Variants in PANK1 observed in about 807,000 individuals in gnomAD.
PANK1 encodes the protein pantothenate kinase 1.
Under a neutral mutation model 40.1 loss-of-function variants are expected in PANK1, and 18 were observed. The ratio of observed to expected loss-of-function variants is 0.45; its 90% CI spans 0.31 to 0.67. The LOEUF (loss-of-function observed/expected upper bound fraction) is 0.67, where lower values mean the gene tolerates loss of function less well. Ranked by LOEUF, PANK1 falls within the 30% of genes least tolerant of loss-of-function variation. The pLI is 0.06. For synonymous variants in PANK1, 242 were observed against 237.7 expected, an observed-to-expected ratio of 1.02 and a Z score of -0.17; for missense variants, 457 against 599.6, an observed-to-expected ratio of 0.76 and a Z score of 2.48.
At chr10:89,643,674 T>G (rs1842028214) in intron 1 of PANK1, 1 of 1,556,442 alleles carries the variant, frequency 6.4e-7, no homozygotes, top group African/African-American at 1.4e-5. Flanking sequence ...ATGCAGTCAT[T>G]TATTAGCATT....
At chr10:89,602,838 G>A (rs796432103) in intron 2 of PANK1, among the ~76,000 whole-genome samples, 12 of 152,182 alleles carry the variant, frequency 7.9e-5, no homozygotes, top group African/African-American at 2.9e-4. Flanking sequence ...GTGATGTTGA[G>A]GGCCCAGTGT....
intron 2 of PANK1, 124 bp downstream of exon 2, chr10:89,611,572 A>G (rs41297163): frequency 0.088 from 59,505 of 672,998 alleles, 2,987 homozygotes; most frequent in Admixed American, 0.11. Context: ...AAACTGAGGC[A>G]CAGAGCGGTG....
chr10:89,626,933 G>C (rs1845677217), intron 1 of PANK1, among the ~76,000 whole-genome samples: 1 of 152,124 alleles, frequency 6.6e-6, no homozygotes, highest in Non-Finnish European at 1.5e-5. Flanking sequence ...TTTAATACCA[G>C]AGCATGGTTA....
intron 3 of PANK1, 89 bp from the exon 4 acceptor site, chr10:89,594,078 G>A (rs1292095202): frequency 1.0e-5 from 9 of 884,876 alleles, no homozygotes; most frequent in South Asian, 7.8e-5. Context: ...TAATATGGGT[G>A]AATAAAAGCA....
chr10:89,631,443 A>C (rs1176890778), intron 1 of PANK1, among the ~76,000 whole-genome samples: 2 of 152,228 alleles, frequency 1.3e-5, no homozygotes, highest in Non-Finnish European at 2.9e-5. Context: ...CCCTTGGTTC[A>C]ATCCTGAATC....
Position 89,624,614 on chromosome 10 carries a change from T to G in PANK1, c.293-12566A>C, listed in dbSNP as rs146619090. On this transcript the variant is annotated intron_variant, in intron 1 of 6. Transcript: ENST00000307534. ...CCATAAAGCAACTTAAATTTTACTA[T>G]TTAGTGCAACTAAATTTTAAAGTCA... Among the ~76,000 whole-genome samples, 67 of 152,364 alleles carry G rather than the reference T, an allele frequency of 4.4e-4. 1 individual carries two copies. The East Asian group carries it at 0.013, about 28-fold the overall frequency.
chr10:89,599,846 TC>T (rs1454782349), intron 2 of PANK1, among the ~76,000 whole-genome samples: 2 of 152,144 alleles, frequency 1.3e-5, no homozygotes, highest in African/African-American at 2.4e-5. Flanking sequence ...GGAAAAAGGG[TC>T]TTTGCAGATC....
rs373336135 is a variant in PANK1, at chr10:89,592,716, G to C, written c.1200+481C>G. ...CAGCTCCACCCCTTTTTGTGCCTGGGACTCTGGCTGGCCTTGGCTGTAGCA... is the reference window on the plus strand; with the variant it reads ...CAGCTCCACCCCTTTTTGTGCCTGGCACTCTGGCTGGCCTTGGCTGTAGCA... On this transcript the variant is annotated intron_variant, in intron 5 of 6. Coordinates refer to ENST00000307534, the MANE Select transcript of PANK1 (RefSeq NM_148977.3). 1.1e-5 allele frequency: 6 copies of C among 534,240 alleles called. No homozygotes were observed. The Admixed American group carries it at 1.2e-4, about 10-fold the overall frequency. 33.1% of individuals were successfully genotyped at this position (534,240 alleles called of 1,614,324 possible).
Position 89,583,816 on chromosome 10 carries a change from AG to A in PANK1, c.*589del, listed in dbSNP as rs1308556508. On this transcript the variant is annotated 3_prime_UTR_variant, in exon 7 of 7. Coordinates refer to ENST00000307534, the MANE Select transcript of PANK1 (RefSeq NM_148977.3). ...TCAAAGAAAGGTTACAGGTAGGGGG[AG>A]GGACATCATCTGAGGACAGAAACAG... 1 of 152,316 alleles carries A rather than the reference AG, an allele frequency of 6.6e-6. No individual in the cohort carries two copies. Among genetic ancestry groups the A allele is most frequent in the Non-Finnish European group, 1.5e-5 (1 of 68,098 alleles). The allele number at this position is 152,316 out of a possible 1,614,324, so 9.4% of individuals were successfully genotyped here. A position where few individuals can be genotyped will look rare whatever the true frequency, so the allele number is the denominator to read the frequency against.
intron 1 of PANK1, among the ~76,000 whole-genome samples, chr10:89,615,313 G>A (rs1845285629): frequency 1.3e-5 from 2 of 152,202 alleles, no homozygotes; most frequent in African/African-American, 4.8e-5. Flanking sequence ...GGAAGAGCCT[G>A]CACATAACCT....
chr10:89,633,006 T>C (rs974042345), intron 1 of PANK1, among the ~76,000 whole-genome samples: 1 of 152,196 alleles, frequency 6.6e-6, no homozygotes, highest in African/African-American at 2.4e-5. Context: ...GTATTACTGA[T>C]ACCTGCTGGG....
intron 2 of PANK1, among the ~76,000 whole-genome samples, chr10:89,610,731 G>C (rs1056819007): frequency 2.6e-5 from 4 of 152,184 alleles, no homozygotes; most frequent in African/African-American, 9.7e-5. Flanking sequence ...TACAGGCTTT[G>C]AGAATACGTA....
rs974406030 is a variant in PANK1, at chr10:89,584,044, A to G, written c.*362T>C. On this transcript the variant is annotated 3_prime_UTR_variant, in exon 7 of 7. Coordinates refer to ENST00000307534, the MANE Select transcript of PANK1 (RefSeq NM_148977.3). Reference sequence around the variant, plus strand: ...GTAATTACTAAATGAAGTTAAAATCACCACACTGATCAGTAAACCCCAGAA... The same window carrying G: ...GTAATTACTAAATGAAGTTAAAATCGCCACACTGATCAGTAAACCCCAGAA... 2 of 185,142 alleles carry G rather than the reference A, an allele frequency of 1.1e-5. No individual in the cohort carries two copies. Among genetic ancestry groups the G allele is most frequent in the Non-Finnish European group, 2.2e-5 (2 of 89,494 alleles). The allele number at this position is 185,142 out of a possible 1,614,324, so 11.5% of individuals were successfully genotyped here. A position where few individuals can be genotyped will look rare whatever the true frequency, so the allele number is the denominator to read the frequency against.
chr10:89,625,018 T>C (rs1402960735), intron 1 of PANK1, among the ~76,000 whole-genome samples: 4 of 152,162 alleles, frequency 2.6e-5, no homozygotes, highest in Admixed American at 2.0e-4. Flanking sequence ...CCCACCTCAG[T>C]ATCCTGAGTA....
At chr10:89,600,619 T>C (rs1844748860) in intron 2 of PANK1, among the ~76,000 whole-genome samples, 1 of 152,196 alleles carries the variant, frequency 6.6e-6, no homozygotes, top group African/African-American at 2.4e-5. Context: ...TGCCCTATTA[T>C]GTTCCTGTGA....
chr10:89,588,938 C>T (rs1159684474), intron 5 of PANK1, among the ~76,000 whole-genome samples, 161 bp from the exon 6 acceptor site: 2 of 152,134 alleles, frequency 1.3e-5, no homozygotes, highest in Non-Finnish European at 2.9e-5. Flanking sequence ...GTTAAACCAA[C>T]CTTATAGTGC....
rs1468750959 is a variant in PANK1 at position 89,599,242 on chromosome 10, A to T, written c.899+10T>A. ...GGTCTGGGTTCAAGCACAAGCAGAA[A>T]CATGTTTACCTGGTCCCTGTAACTC... is the stretch of plus-strand genomic sequence containing the variant. On this transcript the variant is annotated intron_variant, in intron 3 of 6. Transcript: ENST00000307534. 6.2e-7 allele frequency: 1 copy of T among 1,609,190 alleles called. No homozygotes were observed. Among genetic ancestry groups the T allele is most frequent in the South Asian group, 1.1e-5 (1 of 90,416 alleles).
At position 89,639,871 on chromosome 10, in the gene PANK1, A is replaced by G. The variant is rs534493817; in HGVS notation, c.292+4729T>C. 1.7e-4 allele frequency among the ~76,000 whole-genome samples: 26 copies of G among 152,324 alleles called. No individual in the cohort carries two copies. The Middle Eastern group carries it at 0.014, about 80-fold the overall frequency. ...CCTAGCACATAGTAAGTGCTCCTCA[A>G]TGTTGGCCACTGTTACCTCCACAGA... On this transcript the variant is annotated intron_variant, in intron 1 of 6. Transcript: ENST00000307534.
intron 1 of PANK1, among the ~76,000 whole-genome samples, chr10:89,640,624 A>T (rs1841942483): frequency 6.6e-6 from 1 of 152,230 alleles, no homozygotes; most frequent in Non-Finnish European, 1.5e-5. Context: ...ATGTAGTTAA[A>T]TATATTAGAA....
Sources: gnomAD v4.1 joint callset for allele counts (sites outside exome capture counted in the v4.1 genomes callset) on GRCh38, gnomAD v4.1.1 for gene constraint, MANE v1.5 for transcripts, NCBI Gene and HGNC (gene_info 2026-07-23, HGNC 2026-07-21) for gene names.